Variants in COL4A3 observed in about 807,000 individuals in gnomAD.
COL4A3 encodes collagen type IV alpha 3 chain.
In COL4A3, 135 loss-of-function variants were observed where a neutral mutation model predicts 217.4. The ratio of observed to expected loss-of-function variants is 0.62; its 90% CI spans 0.54 to 0.72. COL4A3 has a LOEUF of 0.72. Ranked by LOEUF, COL4A3 falls within the 30% of genes least tolerant of loss-of-function variation. COL4A3 has a pLI of 0.00. For synonymous variants in COL4A3, 690 were observed against 736.3 expected (o/e 0.94, Z 1.02); for missense variants, 1,868 against 2,119.9 (o/e 0.88, Z 2.33).
Position 227,270,758 on chromosome 2 carries a change from G to T in COL4A3, c.1576-12G>T. 1 of 1,612,650 alleles carries T rather than the reference G, an allele frequency of 6.2e-7. No homozygotes were observed. Among genetic ancestry groups the T allele is most frequent in the Non-Finnish European group, 8.5e-7 (1 of 1,178,748 alleles). On this transcript the variant is annotated splice_polypyrimidine_tract_variant and intron_variant, in intron 24 of 51. Transcript: ENST00000396578. Reference sequence around the variant, plus strand: ...CAAAATACAATACAGATTCATTTGTGTACTACCCTAGGGTTTCCCAGGTGC... The same window carrying T: ...CAAAATACAATACAGATTCATTTGTTTACTACCCTAGGGTTTCCCAGGTGC...
intron 16 of COL4A3, 51 bp from the exon 17 acceptor site, chr2:227,256,292 G>C: frequency 6.5e-7 from 1 of 1,538,876 alleles, no homozygotes; most frequent in Admixed American, 1.7e-5. Flanking sequence ...TCCCCCAGAA[G>C]AAGTTGGCTC....
intron 1 of COL4A3, among the ~76,000 whole-genome samples, chr2:227,223,281 G>A (rs2067910715): frequency 6.6e-6 from 1 of 152,194 alleles, no homozygotes; most frequent in Non-Finnish European, 1.5e-5. Flanking sequence ...TACATGAAAA[G>A]TTGAGAACCA....
At chr2:227,295,465 T>G (rs959748646) in intron 41 of COL4A3, 149 bp downstream of exon 41, 14 of 735,740 alleles carry the variant, frequency 1.9e-5, no homozygotes, top group Middle Eastern at 3.7e-4. Flanking sequence ...GTCTTCAATT[T>G]AAAATGTTTA....
At chr2:227,175,209 G>C (rs113768867) in intron 1 of COL4A3, among the ~76,000 whole-genome samples, 7,540 of 152,178 alleles carry the variant, frequency 0.05, 233 homozygotes, top group Admixed American at 0.087. Context: ...CAGTGGCTCA[G>C]CCCTGTAATC....
chr2:227,291,974 G>A lies in COL4A3; in HGVS notation c.3210+1088G>A, dbSNP rs7604155. On this transcript the variant is annotated intron_variant, in intron 37 of 51. Transcript: ENST00000396578. ...GTTCCTATAAGCAGAAGTTGCTAAC[G>A]TGGGATTCCATGGACCACTGGGAAA... Among the ~76,000 whole-genome samples the A allele has an allele frequency of 4.2e-3, 640 of 152,316 alleles. 5 individuals are homozygous for A. Among genetic ancestry groups the A allele is most frequent in the African/African-American group, 0.015 (604 of 41,560 alleles).
chr2:227,164,788 T>G lies in COL4A3; in HGVS notation c.62T>G (p.Leu21Arg). 6.6e-7 allele frequency: 1 copy of G among 1,519,926 alleles called. No individual in the cohort carries two copies. The highest frequency in any genetic ancestry group is 2.6e-5 in the East Asian group (1 of 39,176). 94.2% of individuals were successfully genotyped at this position (1,519,926 alleles called of 1,614,324 possible). A position where few individuals can be genotyped will look rare whatever the true frequency, so the allele number is the denominator to read the frequency against. The change falls in exon 1 of 52, where the codon CTG becomes CGG. Residue 21 changes from leucine to arginine, a missense_variant. Transcript: ENST00000396578. The surrounding 1 kb of genome is among the most constrained non-coding windows in gnomAD (Gnocchi z 4.8). ...CTGCTGCCGCTCCTGCTGGTGCTCCTGGCGGCGGCGCCCGCAGCCAGCAAG... is the reference window on the plus strand; with the variant it reads ...CTGCTGCCGCTCCTGCTGGTGCTCCGGGCGGCGGCGCCCGCAGCCAGCAAG... ...VLLLPLLLVLLAAAPAASKGC... is the reference protein window; with the variant it reads ...VLLLPLLLVLRAAAPAASKGC...
intron 23 of COL4A3, 69 bp downstream of exon 23, chr2:227,267,157 G>A (rs1386596356): frequency 1.8e-6 from 2 of 1,097,196 alleles, no homozygotes; most frequent in African/African-American, 1.5e-5. Context: ...GAAAATAAAG[G>A]CATTGGATTG....
intron 5 of COL4A3, among the ~76,000 whole-genome samples, chr2:227,245,418 A>C (rs1229988409): frequency 6.6e-6 from 1 of 152,230 alleles, no homozygotes; most frequent in Non-Finnish European, 1.5e-5. Context: ...AATGACTTTA[A>C]GCATACAGGA....
At chr2:227,166,212 T>C (rs1460273712) in intron 1 of COL4A3, among the ~76,000 whole-genome samples, 1 of 152,260 alleles carries the variant, frequency 6.6e-6, no homozygotes, top group Non-Finnish European at 1.5e-5. Context: ...GTAATCTATG[T>C]AATCTGTTTG....
At chr2:227,299,186 G>A (rs965692928) in intron 43 of COL4A3, among the ~76,000 whole-genome samples, 7 of 152,194 alleles carry the variant, frequency 4.6e-5, no homozygotes, top group Admixed American at 1.3e-4. Context: ...ACGAGGTCAG[G>A]AGATCGAGAC....
intron 7 of COL4A3, 76 bp downstream of exon 7, chr2:227,246,814 C>T (rs758520877): frequency 9.7e-6 from 12 of 1,242,322 alleles, no homozygotes; most frequent in South Asian, 6.0e-5. Flanking sequence ...TGGCCATATA[C>T]ACAAATCCGT....
At chr2:227,251,272 A>T in intron 10 of COL4A3, 64 bp from the exon 11 acceptor site, 1 of 1,589,346 alleles carries the variant, frequency 6.3e-7, no homozygotes, top group Middle Eastern at 1.9e-4. Flanking sequence ...TTAAAAAGTT[A>T]TTAAAAGAAT....
At chr2:227,186,328 A>G (rs1487108976) in intron 1 of COL4A3, among the ~76,000 whole-genome samples, 1 of 152,224 alleles carries the variant, frequency 6.6e-6, no homozygotes, top group Non-Finnish European at 1.5e-5. Context: ...TGAGTGTCCA[A>G]TAATGAGGCT....
At chr2:227,186,833 C>T (rs2066051563) in intron 1 of COL4A3, among the ~76,000 whole-genome samples, 1 of 149,930 alleles carries the variant, frequency 6.7e-6, no homozygotes, top group Non-Finnish European at 1.5e-5. Context: ...ATTTATTTCT[C>T]ACAATTCTGG....
At chr2:227,224,477 A>G (rs6436665) in intron 1 of COL4A3, among the ~76,000 whole-genome samples, 120,658 of 152,250 alleles carry the variant, frequency 0.79, 48,225 homozygotes, top group Non-Finnish European at 0.86. Context: ...GCTGCTGGGC[A>G]TGATAGCTCA....
chr2:227,305,337 C>A (rs577380686), intron 47 of COL4A3: 1 of 451,416 alleles, frequency 2.2e-6, no homozygotes, highest in Non-Finnish European at 4.1e-6. Flanking sequence ...ACAAATAGAA[C>A]TAATAAGTCC....
At chr2:227,196,508 A>G (rs12694719) in intron 1 of COL4A3, among the ~76,000 whole-genome samples, 105,207 of 150,970 alleles carry the variant, frequency 0.7, 36,872 homozygotes, top group East Asian at 0.75. Flanking sequence ...TAGTAGAGAC[A>G]GGGTTTCACC....
intron 1 of COL4A3, among the ~76,000 whole-genome samples, chr2:227,230,592 T>C (rs867261580): frequency 1.3e-5 from 2 of 152,280 alleles, no homozygotes; most frequent in East Asian, 3.9e-4. Flanking sequence ...AAAGTAACCA[T>C]AGTGTTTCAA....
At chr2:227,188,641 C>T (rs899812381) in intron 1 of COL4A3, among the ~76,000 whole-genome samples, 5 of 152,198 alleles carry the variant, frequency 3.3e-5, no homozygotes, top group Non-Finnish European at 7.3e-5. Flanking sequence ...AAATGTGCTA[C>T]ACTACCAAAT....
Sources: gnomAD v4.1 joint callset for allele counts (sites outside exome capture counted in the v4.1 genomes callset) on GRCh38, gnomAD v4.1.1 for gene constraint, Gnocchi (gnomAD v3.1) non-coding constraint, MANE v1.5 for transcripts, NCBI Gene and HGNC (gene_info 2026-07-23, HGNC 2026-07-21) for gene names.